Variants in SNX24 observed in about 807,000 individuals in gnomAD.
SNX24 encodes sorting nexin-24.
A neutral mutation model predicts 28.7 loss-of-function variants in SNX24; 22 were observed. That is an observed-to-expected ratio of 0.77 (90% CI 0.55 to 1.10). The LOEUF (loss-of-function observed/expected upper bound fraction) is 1.10, where lower values mean the gene tolerates loss of function less well. Ranked by LOEUF, SNX24 falls within the 50% of genes least tolerant of loss-of-function variation. The pLI is 0.00. For synonymous variants in SNX24, 69 were observed against 71.5 expected (o/e 0.96, Z 0.18); for missense variants, 221 against 201.1 (o/e 1.10, Z -0.60).
intron 1 of SNX24, among the ~76,000 whole-genome samples, chr5:122,898,069 G>A (rs962650959): frequency 6.6e-6 from 1 of 152,182 alleles, no homozygotes; most frequent in African/African-American, 2.4e-5. Context: ...TTGTGTGCAT[G>A]TATGTGTGTC....
At chr5:122,989,075 G>A (rs1053109330) in intron 3 of SNX24, among the ~76,000 whole-genome samples, 1 of 151,764 alleles carries the variant, frequency 6.6e-6, no homozygotes, top group African/African-American at 2.4e-5. Context: ...TAGCAATCAT[G>A]CTACTTAGTA....
chr5:122,908,239 TG>T (rs1757732949), intron 1 of SNX24, among the ~76,000 whole-genome samples: 1 of 152,250 alleles, frequency 6.6e-6, no homozygotes, highest in African/African-American at 2.4e-5. Context: ...AGTTTTGCTC[TG>T]ATCAATAAGC....
intron 1 of SNX24, among the ~76,000 whole-genome samples, chr5:122,896,727 C>A (rs1181028109): frequency 6.6e-6 from 1 of 152,178 alleles, no homozygotes; most frequent in African/African-American, 2.4e-5. Context: ...ATAAGTCTTG[C>A]CTTGTTTCTG....
chr5:122,950,896 C>T (rs1268066036), intron 3 of SNX24, among the ~76,000 whole-genome samples: 1 of 152,052 alleles, frequency 6.6e-6, no homozygotes, highest in Non-Finnish European at 1.5e-5. Flanking sequence ...GAGTAAATTG[C>T]CCAGGGTTAT....
At chr5:122,970,617 C>T (rs246327) in intron 3 of SNX24, among the ~76,000 whole-genome samples, 116,988 of 152,074 alleles carry the variant, frequency 0.77, 45,881 homozygotes, top group East Asian at 0.99. Flanking sequence ...TACAGGTGCC[C>T]GCCACCCCGC....
chr5:122,972,555 A>T (rs972832909), intron 3 of SNX24, among the ~76,000 whole-genome samples: 1 of 152,302 alleles, frequency 6.6e-6, no homozygotes, highest in Non-Finnish European at 1.5e-5. Context: ...AAATTGTAAG[A>T]CCAGTGAATT....
chr5:122,959,780 C>G (rs1760395668), intron 3 of SNX24, among the ~76,000 whole-genome samples: 1 of 151,912 alleles, frequency 6.6e-6, no homozygotes, highest in Admixed American at 6.6e-5. Context: ...GGTTCATTAT[C>G]TCATGCCAGG....
intron 5 of SNX24, among the ~76,000 whole-genome samples, chr5:123,020,116 T>C (rs908094112): frequency 6.6e-6 from 1 of 152,198 alleles, no homozygotes; most frequent in Non-Finnish European, 1.5e-5. Flanking sequence ...GCGCATGTCC[T>C]TCTGCATGGG....
At chr5:123,025,840 T>C in intron 5 of SNX24, 5 of 1,614,160 alleles carry the variant, frequency 3.1e-6, no homozygotes, top group Non-Finnish European at 4.2e-6. Context: ...CAGGTGGGCT[T>C]GGTCAAGGTG....
intron 4 of SNX24, among the ~76,000 whole-genome samples, chr5:123,000,901 A>C (rs1242641829): frequency 1.3e-5 from 2 of 152,226 alleles, no homozygotes; most frequent in African/African-American, 4.8e-5. Context: ...ACCCAAAGTC[A>C]TGTTAAACCC....
At chr5:122,848,960 A>G (rs1451436765) in intron 1 of SNX24, among the ~76,000 whole-genome samples, 1 of 152,136 alleles carries the variant, frequency 6.6e-6, no homozygotes, top group Non-Finnish European at 1.5e-5. Context: ...ACATCTTTCA[A>G]TATTGATATG....
intron 1 of SNX24, among the ~76,000 whole-genome samples, chr5:122,898,627 A>G (rs964320974): frequency 2.6e-5 from 4 of 152,212 alleles, no homozygotes; most frequent in Non-Finnish European, 4.4e-5. Flanking sequence ...GTAGGGCTTT[A>G]GCTGAATCAA....
At chr5:122,982,191 T>A (rs1761422436) in intron 3 of SNX24, among the ~76,000 whole-genome samples, 1 of 152,192 alleles carries the variant, frequency 6.6e-6, no homozygotes, top group Non-Finnish European at 1.5e-5. Flanking sequence ...TTCTTGAGCA[T>A]CTCCTATGTC....
At chr5:123,007,632 A>G (rs758405527) in intron 6 of SNX24, 50 bp from the exon 7 acceptor site, 2 of 1,502,386 alleles carry the variant, frequency 1.3e-6, no homozygotes, top group South Asian at 1.2e-5. Flanking sequence ...TGTTTCACAT[A>G]AGAAAAGCAG....
At chr5:122,886,354 T>C (rs1397330952) in intron 1 of SNX24, among the ~76,000 whole-genome samples, 2 of 152,218 alleles carry the variant, frequency 1.3e-5, no homozygotes, top group Admixed American at 1.3e-4. Context: ...TTTCTGTTTA[T>C]CAAACTTAAT....
chr5:122,921,661 G>A (rs1364566050), intron 1 of SNX24, among the ~76,000 whole-genome samples: 2 of 152,146 alleles, frequency 1.3e-5, no homozygotes, highest in African/African-American at 4.8e-5. Context: ...TACATTGGTA[G>A]CAATGTAAGA....
intron 1 of SNX24, among the ~76,000 whole-genome samples, chr5:122,847,256 T>C (rs1429641393): frequency 6.6e-6 from 1 of 152,226 alleles, no homozygotes; most frequent in Non-Finnish European, 1.5e-5. Context: ...GTTGATTTTC[T>C]TCTATTAGAC....
At chr5:123,019,925 A>G (rs1005855073) in intron 5 of SNX24, among the ~76,000 whole-genome samples, 3 of 152,276 alleles carry the variant, frequency 2.0e-5, no homozygotes, top group Admixed American at 6.5e-5. Context: ...TGCTTTTAGC[A>G]GGGGGATGTC....
At chr5:123,013,183 C>G (rs879540163), downstream of SNX24, among the ~76,000 whole-genome samples, 1 of 152,206 alleles carries the variant, frequency 6.6e-6, no homozygotes, top group South Asian at 2.1e-4. Context: ...TATATTCATT[C>G]ATTCAGTTGT....
Sources: allele counts gnomAD v4.1 joint callset (sites outside exome capture counted in the v4.1 genomes callset), GRCh38; gene constraint gnomAD v4.1.1; transcripts MANE v1.5; gene names NCBI Gene and HGNC (gene_info 2026-07-23, HGNC 2026-07-21).